The following SUPT3H variants were observed in gnomAD, a reference collection of about 807,000 sequenced individuals.
The protein encoded by SUPT3H is transcription initiation protein SPT3 homolog.
In SUPT3H, 44 loss-of-function variants were observed where a neutral mutation model predicts 44.3. The observed-to-expected ratio is 0.99, with a 90% CI of 0.78 to 1.28. SUPT3H has a LOEUF of 1.28. Ranked by LOEUF, SUPT3H falls within the 50% of genes most tolerant of loss-of-function variation. The pLI, the probability that SUPT3H is intolerant of heterozygous loss-of-function variation, is 0.00. For synonymous variants in SUPT3H, 124 were observed against 125.6 expected (o/e 0.99, Z 0.09); for missense variants, 380 against 387.1 (o/e 0.98, Z 0.15).
chr6:45,324,290 TTAAAG>T (rs1786002585), intron 2 of SUPT3H, among the ~76,000 whole-genome samples: 1 of 152,050 alleles, frequency 6.6e-6, no homozygotes, highest in Non-Finnish European at 1.5e-5. Flanking sequence ...GAACAATGTA[TTAAAG>T]TAAATTAGCA....
intron 2 of SUPT3H, among the ~76,000 whole-genome samples, chr6:45,124,062 A>G (rs1158221396): frequency 2.0e-5 from 3 of 152,196 alleles, no homozygotes; most frequent in Non-Finnish European, 4.4e-5. Context: ...CACCAGTATC[A>G]AATAATATGA....
At chr6:45,043,813 A>T (rs1721682977) in intron 3 of SUPT3H, among the ~76,000 whole-genome samples, 1 of 152,162 alleles carries the variant, frequency 6.6e-6, no homozygotes, top group South Asian at 2.1e-4. Context: ...CAAATTTATA[A>T]TTGTTGGGGC....
intron 2 of SUPT3H, among the ~76,000 whole-genome samples, chr6:45,148,868 T>A (rs1296448275): frequency 6.6e-6 from 1 of 152,182 alleles, no homozygotes; most frequent in Non-Finnish European, 1.5e-5. Flanking sequence ...AATTCTGAAA[T>A]GCATGCTGAC....
intron 6 of SUPT3H, among the ~76,000 whole-genome samples, chr6:44,982,058 A>G (rs149546490): frequency 6.6e-6 from 1 of 152,294 alleles, no homozygotes; most frequent in African/African-American, 2.4e-5. Flanking sequence ...AAGCAAAGCA[A>G]AACAAAAGAA....
intron 2 of SUPT3H, among the ~76,000 whole-genome samples, chr6:45,325,068 A>G (rs999832509): frequency 3.3e-5 from 5 of 151,940 alleles, no homozygotes; most frequent in African/African-American, 1.2e-4. Context: ...AAAAAGTAAA[A>G]TAAGAAACAG....
intron 2 of SUPT3H, among the ~76,000 whole-genome samples, chr6:45,245,673 T>C (rs1232282164): frequency 6.6e-6 from 1 of 152,172 alleles, no homozygotes; most frequent in Admixed American, 6.5e-5. Flanking sequence ...CATTTTTTTA[T>C]CCATTCATCC....
At chr6:44,857,186 T>C (rs1165373054) in intron 10 of SUPT3H, among the ~76,000 whole-genome samples, 2 of 152,208 alleles carry the variant, frequency 1.3e-5, no homozygotes, top group Non-Finnish European at 2.9e-5. Context: ...TTGTTTACCT[T>C]TTTAATCTTT....
intron 9 of SUPT3H, among the ~76,000 whole-genome samples, chr6:44,936,345 A>AT (rs1019105230): frequency 2.0e-5 from 3 of 152,058 alleles, no homozygotes; most frequent in African/African-American, 7.2e-5. Flanking sequence ...GCTTTTATTT[A>AT]TTTTTTTCTT....
intron 6 of SUPT3H, among the ~76,000 whole-genome samples, chr6:44,991,231 T>C (rs944284963): frequency 1.3e-5 from 2 of 152,178 alleles, no homozygotes; most frequent in Non-Finnish European, 2.9e-5. Flanking sequence ...TCATGGCTAT[T>C]AATTGTGAGA....
intron 3 of SUPT3H, among the ~76,000 whole-genome samples, chr6:45,062,421 A>G (rs1038038864): frequency 3.3e-5 from 5 of 152,240 alleles, no homozygotes; most frequent in African/African-American, 1.2e-4. Context: ...ATCAAAGCGG[A>G]TCAGCCTTCT....
intron 3 of SUPT3H, among the ~76,000 whole-genome samples, chr6:45,084,067 T>C (rs1442095791): frequency 6.6e-6 from 1 of 152,090 alleles, no homozygotes; most frequent in Admixed American, 6.5e-5. Flanking sequence ...AAACACCACT[T>C]TGGACACTGA....
intron 9 of SUPT3H, among the ~76,000 whole-genome samples, chr6:44,937,431 TTGCAG>T (rs1347324057): frequency 6.6e-6 from 1 of 151,596 alleles, no homozygotes; most frequent in African/African-American, 2.4e-5. Flanking sequence ...GAGGTGGAGG[TTGCAG>T]TGAGCCCAGA....
At chr6:45,113,565 G>A (rs1396289917) in intron 2 of SUPT3H, among the ~76,000 whole-genome samples, 2 of 152,064 alleles carry the variant, frequency 1.3e-5, no homozygotes, top group African/African-American at 4.8e-5. Flanking sequence ...TGGGCGTGGT[G>A]GCTCAACCCC....
intron 2 of SUPT3H, among the ~76,000 whole-genome samples, chr6:45,316,811 A>G (rs1254769823): frequency 2.6e-5 from 4 of 152,232 alleles, no homozygotes; most frequent in Non-Finnish European, 5.9e-5. Flanking sequence ...TTATGGATTG[A>G]AAGAATATTG....
intron 6 of SUPT3H, among the ~76,000 whole-genome samples, chr6:44,999,060 T>A (rs1781656934): frequency 6.6e-6 from 1 of 152,002 alleles, no homozygotes; most frequent in African/African-American, 2.4e-5. Context: ...CAGTCAAGGT[T>A]TTGTTTGTTA....
At chr6:45,164,500 C>T (rs1809537886) in intron 2 of SUPT3H, among the ~76,000 whole-genome samples, 1 of 152,100 alleles carries the variant, frequency 6.6e-6, no homozygotes, top group African/African-American at 2.4e-5. Flanking sequence ...TACAGGTAGA[C>T]AGGAGAGGTG....
At chr6:45,080,735 T>C in intron 3 of SUPT3H, among the ~76,000 whole-genome samples, 1 of 151,908 alleles carries the variant, frequency 6.6e-6, no homozygotes, top group East Asian at 1.9e-4. Flanking sequence ...ACAATTGAAC[T>C]CATGGACACA....
Position 45,338,493 on chromosome 6 carries a change from T to G in SUPT3H, c.101+26708A>C, listed in dbSNP as rs75932383. On this transcript the variant is annotated intron_variant, in intron 2 of 10. Coordinates refer to ENST00000371459, the MANE Select transcript of SUPT3H (RefSeq NM_003599.4). ...GGTACTATATTTTGAATTAAGAAAC[T>G]TTGACAGCTACAAGAGCACTGATTT... 7.9e-5 allele frequency among the ~76,000 whole-genome samples: 12 copies of G among 152,172 alleles called. No homozygotes were observed. The East Asian group carries it at 2.3e-3, about 29-fold the overall frequency.
intron 2 of SUPT3H, among the ~76,000 whole-genome samples, chr6:45,276,506 T>C (rs532369684): frequency 3.3e-5 from 5 of 152,180 alleles, no homozygotes; most frequent in Non-Finnish European, 7.3e-5. Flanking sequence ...TATCTGTATC[T>C]TTTTCCATGT....
Sources: allele counts gnomAD v4.1 joint callset (sites outside exome capture counted in the v4.1 genomes callset), GRCh38; gene constraint gnomAD v4.1.1; transcripts MANE v1.5; gene names NCBI Gene and HGNC (gene_info 2026-07-23, HGNC 2026-07-21).